SNN: variants seen among roughly 807,000 people sequenced by gnomAD.
SNN encodes the protein AG8_1.
In SNN, 5 loss-of-function variants were observed where a neutral mutation model predicts 5.3. The ratio of observed to expected loss-of-function variants is 0.94; its 90% confidence interval spans 0.49 to 1.97. The LOEUF is 1.97. SNN is among the 30% of genes most tolerant of loss of function. SNN has a pLI of 0.01. For synonymous variants in SNN, 67 were observed against 52.1 expected (o/e 1.29, Z -1.24); for missense variants, 127 against 121.6 (o/e 1.04, Z -0.21).
At position 11,677,579 on chromosome 16, in the gene SNN, G is replaced by C. The variant is rs1018732059; in HGVS notation, c.*1253G>C. On this transcript the variant is annotated 3_prime_UTR_variant, in exon 2 of 2. Transcript: ENST00000329565. This position sits in a 1 kb window ranked among gnomAD's most constrained non-coding sequence, Gnocchi z 4.2. ...GGGCAGAGGTGAACTTGAAGTTCAG[G>C]ACTTGACTCTCCCACAGGTGGTGAG... 6.0e-5 allele frequency: 10 copies of C among 167,046 alleles called. No homozygotes were observed. Among genetic ancestry groups the C allele is most frequent in the Admixed American group, 6.5e-5 (1 of 15,284 alleles). 10.3% of individuals were successfully genotyped at this position (167,046 alleles called of 1,614,324 possible). A position where few individuals can be genotyped will look rare whatever the true frequency, so the allele number is the denominator to read the frequency against.
chr16:11,678,828 G>A lies in SNN; in HGVS notation c.*2502G>A, dbSNP rs747921672. On this transcript the variant is annotated 3_prime_UTR_variant, in exon 2 of 2. Transcript: ENST00000329565. ...GTTATGACCTCTCTGGATTATTTTT[G>A]AATGCCCAACTGTTGCATTCAAGTT... The A allele has an allele frequency of 4.2e-5, 10 of 236,244 alleles. No homozygotes were observed. The highest frequency in any genetic ancestry group is 9.0e-5 in the Non-Finnish European group (10 of 110,922). 14.6% of individuals were successfully genotyped at this position (236,244 alleles called of 1,614,324 possible).
chr16:11,679,065 G>T lies in SNN; in HGVS notation c.*2739G>T. ...ATGTCATCCTTCTTCAATAAATGCTGAATGACATTCAAGCTGATTTTCTAG... is the reference window on the plus strand; with the variant it reads ...ATGTCATCCTTCTTCAATAAATGCTTAATGACATTCAAGCTGATTTTCTAG... On this transcript the variant is annotated 3_prime_UTR_variant, in exon 2 of 2. Transcript: ENST00000329565. The surrounding 1 kb of genome is among the most constrained non-coding windows in gnomAD (Gnocchi z 4.6). 1.0e-6 allele frequency: 1 copy of T among 1,002,754 alleles called. No homozygotes were observed. Among genetic ancestry groups the T allele is most frequent in the Non-Finnish European group, 1.4e-6 (1 of 689,824 alleles). The allele number at this position is 1,002,754 out of a possible 1,614,324, so 62.1% of individuals were successfully genotyped here. A position where few individuals can be genotyped will look rare whatever the true frequency, so the allele number is the denominator to read the frequency against.
rs1427937664 is a variant in SNN at position 11,668,933 on chromosome 16, G to GTCCA, written c.-86+394_-86+397dup. Among the ~76,000 whole-genome samples, 1 of 152,010 alleles carries GTCCA rather than the reference G, an allele frequency of 6.6e-6. No homozygotes were observed. The highest frequency in any genetic ancestry group is 1.5e-5 in the Non-Finnish European group (1 of 67,956). On this transcript the variant is annotated intron_variant, in intron 1 of 1. Transcript: ENST00000329565. This position sits in a 1 kb window ranked among gnomAD's most constrained non-coding sequence, Gnocchi z 6.8. ...TCCGGGGAGGGCTCCGGGGATAGGG[G>GTCCA]TCCAGGTGACGTCCGGCGCCCGTCT... is the stretch of plus-strand genomic sequence containing the variant.
At chr16:11,674,772 T>C (rs566328166) in intron 1 of SNN, among the ~76,000 whole-genome samples, 1 of 152,330 alleles carries the variant, frequency 6.6e-6, no homozygotes, top group East Asian at 1.9e-4. Context: ...GGAACACTAT[T>C]CCCCATCAGC....
intron 1 of SNN, among the ~76,000 whole-genome samples, chr16:11,673,421 G>A (rs978125502): frequency 9.2e-5 from 14 of 152,204 alleles, no homozygotes; most frequent in East Asian, 1.9e-4. Flanking sequence ...CCACTGCTCC[G>A]GAGGGAAGGA....
intron 1 of SNN, among the ~76,000 whole-genome samples, chr16:11,675,262 T>TC (rs1567280102): frequency 7.0e-6 from 1 of 142,442 alleles, no homozygotes; most frequent in African/African-American, 2.6e-5. Flanking sequence ...TTTTTTCTTT[T>TC]TTTTTTTTTT....
Position 11,672,201 on chromosome 16 carries a change from A to G in SNN, c.-86+3661A>G, listed in dbSNP as rs1223555427. Among the ~76,000 whole-genome samples, 2 of 152,232 alleles carry G rather than the reference A, an allele frequency of 1.3e-5. No homozygotes were observed. Among genetic ancestry groups the G allele is most frequent in the South Asian group, 2.1e-4 (1 of 4,824 alleles). ...CTGTGTACCCGTGCAGGGCAGGGGT[A>G]CAGCTGTGGGCGGGACAGACGGTGC... On this transcript the variant is annotated intron_variant, in intron 1 of 1. Transcript: ENST00000329565. This position sits in a 1 kb window ranked among gnomAD's most constrained non-coding sequence, Gnocchi z 6.0.
In SNN at chr16:11,671,269, C is replaced by T. The variant is rs1248349925; in HGVS notation, c.-86+2729C>T. On this transcript the variant is annotated intron_variant, in intron 1 of 1. Transcript: ENST00000329565. The surrounding 1 kb of genome is among the most constrained non-coding windows in gnomAD (Gnocchi z 4.7). ...GGTGGGATCCGAGAGTCAGGACCCC[C>T]TTGGCAGAGGATGGCAAGACTGAAG... is the stretch of plus-strand genomic sequence containing the variant. 6.6e-6 allele frequency among the ~76,000 whole-genome samples: 1 copy of T among 152,076 alleles called. No individual in the cohort carries two copies. The highest frequency in any genetic ancestry group is 2.4e-5 in the African/African-American group (1 of 41,410).
In SNN at chr16:11,671,610, G is replaced by A. The variant is rs1018564070; in HGVS notation, c.-86+3070G>A. Among the ~76,000 whole-genome samples, 8 of 152,216 alleles carry A rather than the reference G, an allele frequency of 5.3e-5. No homozygotes were observed. The highest frequency in any genetic ancestry group is 1.9e-4 in the African/African-American group (8 of 41,444). On this transcript the variant is annotated intron_variant, in intron 1 of 1. Coordinates refer to ENST00000329565, the MANE Select transcript of SNN (RefSeq NM_003498.6). This position sits in a 1 kb window ranked among gnomAD's most constrained non-coding sequence, Gnocchi z 4.7. The stretch of plus-strand genomic sequence containing the variant: ...CTGGTGGGAATGAATGTGAGCTGCT[G>A]TCATGATGGTTGTTGGGTGGGCCAG...
intron 1 of SNN, among the ~76,000 whole-genome samples, chr16:11,670,322 A>G (rs2050259059): frequency 6.6e-6 from 1 of 152,146 alleles, no homozygotes; most frequent in Non-Finnish European, 1.5e-5. Flanking sequence ...GGCGGCTGCA[A>G]GGCGGGGGTG....
intron 1 of SNN, among the ~76,000 whole-genome samples, chr16:11,673,165 A>C (rs1347375511): frequency 6.6e-6 from 1 of 152,070 alleles, no homozygotes; most frequent in East Asian, 1.9e-4. Context: ...GGACGAGTGT[A>C]GACAGGCTCA....
In SNN at chr16:11,672,174, T is replaced by G. The variant is rs2050269814; in HGVS notation, c.-86+3634T>G. The stretch of plus-strand genomic sequence containing the variant: ...CTCAACAGACCATTCACTGAGCACC[T>G]ACTGTGTACCCGTGCAGGGCAGGGG... On this transcript the variant is annotated intron_variant, in intron 1 of 1. Transcript: ENST00000329565. This position sits in a 1 kb window ranked among gnomAD's most constrained non-coding sequence, Gnocchi z 6.0. Among the ~76,000 whole-genome samples the G allele has an allele frequency of 6.6e-6, 1 of 152,148 alleles. No individual in the cohort carries two copies. The highest frequency in any genetic ancestry group is 2.1e-4 in the South Asian group (1 of 4,828).
chr16:11,676,074 C>A lies in SNN; in HGVS notation c.15C>A (p.Asp5Glu). 6.2e-7 allele frequency: 1 copy of A among 1,607,520 alleles called. No individual in the cohort carries two copies. Among genetic ancestry groups the A allele is most frequent in the Non-Finnish European group, 8.5e-7 (1 of 1,175,876 alleles). Reference protein sequence around the residue: MSIMDHSPTTGVVTV... With the variant: MSIMEHSPTTGVVTV... ...CAGCACTGACCATGTCTATTATGGA[C>A]CACAGCCCCACCACGGGCGTGGTCA... The change falls in exon 2 of 2, where the codon GAC (aspartate) becomes GAA (glutamate). Residue 5 changes from aspartate to glutamate, a missense_variant. Asp to Glu is a conservative substitution (Grantham distance 45). Transcript: ENST00000329565.
intron 1 of SNN, among the ~76,000 whole-genome samples, chr16:11,669,880 C>T (rs2050256405): frequency 6.6e-6 from 1 of 152,090 alleles, no homozygotes; most frequent in African/African-American, 2.4e-5. Flanking sequence ...CGAGTTTCCT[C>T]TTCTGAGGAT....
At chr16:11,670,446 G>C (rs1477157158) in intron 1 of SNN, among the ~76,000 whole-genome samples, 1 of 152,198 alleles carries the variant, frequency 6.6e-6, no homozygotes, top group Non-Finnish European at 1.5e-5. Flanking sequence ...CAGGCTCTGT[G>C]CCCTTCTGGC....
At position 11,678,194 on chromosome 16, in the gene SNN, G is replaced by C. The variant is rs990814324; in HGVS notation, c.*1868G>C. The C allele has an allele frequency of 6.0e-6, 1 of 166,768 alleles. No individual in the cohort carries two copies. The highest frequency in any genetic ancestry group is 1.5e-5 in the Non-Finnish European group (1 of 68,170). 10.3% of individuals were successfully genotyped at this position (166,768 alleles called of 1,614,324 possible). ...TGCAGGCTGGGTGGGCAGGACACGT[G>C]GTGGGGGCCACTGAAACCAGGCCTA... On this transcript the variant is annotated 3_prime_UTR_variant, in exon 2 of 2. Transcript: ENST00000329565.
chr16:11,673,460 C>T (rs1311659206), intron 1 of SNN, among the ~76,000 whole-genome samples: 1 of 152,190 alleles, frequency 6.6e-6, no homozygotes, highest in Non-Finnish European at 1.5e-5. Context: ...AGCTTCCCTG[C>T]CAGAGCTGGT....
In SNN at chr16:11,676,566, T is replaced by C; in HGVS notation, c.*240T>C. ...GCAGGCCTGACCTTGCTGGGGCTCA[T>C]GGCCCTGTAGCGCTTTTGTTACTTG... On this transcript the variant is annotated 3_prime_UTR_variant, in exon 2 of 2. Coordinates refer to ENST00000329565, the MANE Select transcript of SNN (RefSeq NM_003498.6). The C allele has an allele frequency of 1.8e-6, 1 of 557,398 alleles. No homozygotes were observed. The highest frequency in any genetic ancestry group is 3.3e-6 in the Non-Finnish European group (1 of 303,258). The allele number at this position is 557,398 out of a possible 1,614,324, so 34.5% of individuals were successfully genotyped here.
chr16:11,675,886 T>C, intron 1 of SNN, 89 bp from the exon 2 acceptor site: 1 of 647,544 alleles, frequency 1.5e-6, no homozygotes, highest in Non-Finnish European at 2.5e-6. Flanking sequence ...TTTGTCAGGG[T>C]GAGGGTGGGA....
Sources: gnomAD v4.1 joint callset for allele counts (sites outside exome capture counted in the v4.1 genomes callset) on GRCh38, gnomAD v4.1.1 for gene constraint, Gnocchi (gnomAD v3.1) non-coding constraint, MANE v1.5 for transcripts, NCBI Gene and HGNC (gene_info 2026-07-23, HGNC 2026-07-21) for gene names.